ATP8B1: variants seen among roughly 807,000 people sequenced by gnomAD.
ATP8B1 encodes the protein phospholipid-transporting ATPase IC.
A neutral mutation model predicts 149.9 loss-of-function variants in ATP8B1; 80 were observed. That is an observed-to-expected ratio of 0.53 (90% confidence interval 0.45 to 0.64). ATP8B1 has a LOEUF of 0.64. Among genes scored for constraint, ATP8B1 ranks in the 30% least tolerant of loss-of-function variants. ATP8B1 has a pLI of 0.00. For missense variants in ATP8B1, 1,247 were observed against 1,552.6 expected (o/e 0.80, Z 3.31); for synonymous variants, 536 against 562.8 (o/e 0.95, Z 0.67).
chr18:57,668,570 A>AAAAAG (rs56095156), intron 18 of ATP8B1, 30 bp from the exon 19 acceptor site: 1 of 1,434,788 alleles, frequency 7.0e-7, no homozygotes, highest in African/African-American at 1.5e-5. Context: ...AAAAAAAAAA[A>AAAAAG]GGAATTAGCA....
chr18:57,778,579 C>T (rs1013789895), intron 1 of ATP8B1, among the ~76,000 whole-genome samples: 1 of 152,116 alleles, frequency 6.6e-6, no homozygotes, highest in Non-Finnish European at 1.5e-5. Context: ...CTCAGGGTCT[C>T]CTCCCAAGGC....
chr18:57,664,123 C>T (rs1379665093), intron 20 of ATP8B1, among the ~76,000 whole-genome samples: 5 of 147,546 alleles, frequency 3.4e-5, no homozygotes, highest in African/African-American at 1.0e-4. Context: ...TGTCTCGATT[C>T]ATCCACCATG....
intron 1 of ATP8B1, among the ~76,000 whole-genome samples, chr18:57,782,200 T>G (rs1428688527): frequency 2.6e-5 from 4 of 152,216 alleles, no homozygotes; most frequent in African/African-American, 9.7e-5. Flanking sequence ...AGCCCTGCTG[T>G]CTATAGAATT....
chr18:57,697,921 A>G, intron 6 of ATP8B1, 54 bp from the exon 7 acceptor site: 1 of 1,441,412 alleles, frequency 6.9e-7, no homozygotes, highest in Non-Finnish European at 9.7e-7. Flanking sequence ...CAGGCAAGGG[A>G]ATTACTATTC....
At chr18:57,703,880 G>A (rs1474967505) in intron 4 of ATP8B1, among the ~76,000 whole-genome samples, 1 of 152,114 alleles carries the variant, frequency 6.6e-6, no homozygotes, top group East Asian at 1.9e-4. Flanking sequence ...TTTTGGGGGG[G>A]AAATTCAGCA....
At chr18:57,650,233 T>TAAAG in intron 27 of ATP8B1, 134 bp downstream of exon 27, 1 of 1,180,282 alleles carries the variant, frequency 8.5e-7, no homozygotes, top group Non-Finnish European at 1.2e-6. Context: ...GAGATAGAGT[T>TAAAG]AAAGAGAAGC....
At chr18:57,661,713 A>ATTTTT (rs759201755) in intron 21 of ATP8B1, among the ~76,000 whole-genome samples, 1 of 92,670 alleles carries the variant, frequency 1.1e-5, no homozygotes, top group African/African-American at 4.7e-5. Flanking sequence ...ATATATATAT[A>ATTTTT]TTTTTTTTTT....
chr18:57,797,996 G>A (rs532910511), intron 1 of ATP8B1, among the ~76,000 whole-genome samples: 2 of 152,054 alleles, frequency 1.3e-5, no homozygotes, highest in African/African-American at 4.8e-5. Context: ...GAGCCACCAC[G>A]CCAGGCCTCT....
chr18:57,788,292 A>C (rs2080429039), intron 1 of ATP8B1, among the ~76,000 whole-genome samples: 1 of 152,080 alleles, frequency 6.6e-6, no homozygotes, highest in Admixed American at 6.5e-5. Context: ...CTGGCCGTGC[A>C]TGGTGGCTCC....
chr18:57,648,428 G>GAGTCTT lies in ATP8B1; in HGVS notation c.*54_*59dup. 6.4e-7 allele frequency: 1 copy of GAGTCTT among 1,555,114 alleles called. No homozygotes were observed. The highest frequency in any genetic ancestry group is 8.9e-7 in the Non-Finnish European group (1 of 1,129,898). On this transcript the variant is annotated 3_prime_UTR_variant, in exon 28 of 28. Transcript: ENST00000648908. ...TTCACACACACACACAAAGTCCTGA[G>GAGTCTT]AGTCTTTCATAAAAAAATAGACGTG...
At chr18:57,743,834 T>G (rs766355602) in intron 1 of ATP8B1, among the ~76,000 whole-genome samples, 11 of 152,076 alleles carry the variant, frequency 7.2e-5, no homozygotes, top group Non-Finnish European at 1.0e-4. Context: ...ACAGCACTCA[T>G]CTGACAGGGG....
intron 1 of ATP8B1, among the ~76,000 whole-genome samples, chr18:57,801,588 A>G (rs887253426): frequency 1.7e-4 from 26 of 152,082 alleles, no homozygotes; most frequent in African/African-American, 6.0e-4. Flanking sequence ...TGTCCCCCAT[A>G]TATACGGGCT....
At chr18:57,732,179 G>GTT (rs1568044060) in intron 1 of ATP8B1, among the ~76,000 whole-genome samples, 3 of 44,840 alleles carry the variant, frequency 6.7e-5, no homozygotes, top group African/African-American at 2.4e-4. Context: ...ATGTATATAT[G>GTT]TGTATATATG....
chr18:57,680,609 AC>A (rs1285175847), intron 15 of ATP8B1, among the ~76,000 whole-genome samples: 6 of 149,946 alleles, frequency 4.0e-5, no homozygotes, highest in East Asian at 3.9e-4. Context: ...ACAAAACAAA[AC>A]AAAACAAAAA....
chr18:57,788,004 C>G (rs1347215839), intron 1 of ATP8B1, among the ~76,000 whole-genome samples: 1 of 151,888 alleles, frequency 6.6e-6, no homozygotes, highest in Non-Finnish European at 1.5e-5. Context: ...TGCACTCCAG[C>G]CTGGGCAACA....
intron 1 of ATP8B1, among the ~76,000 whole-genome samples, chr18:57,732,560 ATTTCTTTTT>A (rs2079797326): frequency 1.3e-5 from 2 of 151,514 alleles, no homozygotes; most frequent in Non-Finnish European, 1.5e-5. Flanking sequence ...GTGGAGTTGA[ATTTCTTTTT>A]TTTCTTTTTT....
Position 57,648,285 on chromosome 18 carries a change from C to T in ATP8B1, c.*203G>A. On this transcript the variant is annotated 3_prime_UTR_variant, in exon 28 of 28. Coordinates refer to ENST00000648908, the MANE Select transcript of ATP8B1 (RefSeq NM_001374385.1). ...ACAGACCTGAGCCACCACGCCCGGC[C>T]GAATAATAGGACTTTTAAAAGTCCT... The T allele has an allele frequency of 1.4e-6, 1 of 705,008 alleles. No homozygotes were observed. Among genetic ancestry groups the T allele is most frequent in the Non-Finnish European group, 2.4e-6 (1 of 413,392 alleles). The allele number at this position is 705,008 out of a possible 1,614,324, so 43.7% of individuals were successfully genotyped here.
chr18:57,707,032 C>T (rs903690205), intron 2 of ATP8B1, among the ~76,000 whole-genome samples: 6 of 152,172 alleles, frequency 3.9e-5, no homozygotes, highest in South Asian at 2.1e-4. Context: ...GCAGGCCGGG[C>T]GCGGTGGCTC....
chr18:57,731,883 G>C (rs1446309513), intron 1 of ATP8B1, 51 bp from the exon 2 acceptor site: 22 of 1,531,086 alleles, frequency 1.4e-5, no homozygotes, highest in Non-Finnish European at 1.9e-5. Flanking sequence ...CCCAGTTTTT[G>C]GTTGAATACT....
Sources: gnomAD v4.1 joint callset for allele counts (sites outside exome capture counted in the v4.1 genomes callset) on GRCh38, gnomAD v4.1.1 for gene constraint, MANE v1.5 for transcripts, NCBI Gene and HGNC (gene_info 2026-07-23, HGNC 2026-07-21) for gene names.